The following SDK2 variants were observed in gnomAD, a reference collection of about 807,000 sequenced individuals.
SDK2 encodes the protein protein sidekick-2.
SDK2 carries 105 observed loss-of-function variants against 253.9 expected under a neutral mutation model. The ratio of observed to expected loss-of-function variants is 0.41; its 90% confidence interval spans 0.35 to 0.49. SDK2 has a LOEUF of 0.49. SDK2 is among the 20% of genes least tolerant of loss of function. The pLI is 0.06. For missense variants in SDK2, 2,608 were observed against 3,003.0 expected, an observed-to-expected ratio of 0.87 and a Z score of 3.07; for synonymous variants, 1,249 against 1,234.9, an observed-to-expected ratio of 1.01 and a Z score of -0.24.
intron 2 of SDK2, among the ~76,000 whole-genome samples, chr17:73,483,507 G>A (rs148888332): frequency 7.1e-4 from 36 of 50,690 alleles, no homozygotes; most frequent in Admixed American, 1.5e-3. Flanking sequence ...GTGTGTGTGT[G>A]TGTATGTGTG....
At chr17:73,453,188 G>A (rs1354676507) in intron 4 of SDK2, among the ~76,000 whole-genome samples, 1 of 152,152 alleles carries the variant, frequency 6.6e-6, no homozygotes, top group Non-Finnish European at 1.5e-5. Context: ...AGCTGGAAAA[G>A]TGTATGTTCC....
At position 73,405,517 on chromosome 17, in the gene SDK2, T is replaced by TATATATATATATATATAAATAA. The variant is rs750250733; in HGVS notation, c.2485-3377_2485-3376insTTATTTATATATATATATATAT. On this transcript the variant is annotated intron_variant, in intron 18 of 44. Coordinates refer to ENST00000392650, the MANE Select transcript of SDK2 (RefSeq NM_001144952.2). ...ATATATATATATATATATATATATA[T>TATATATATATATATATAAATAA]AAAGATCGAGAATGTGGAAAGTACA... Among the ~76,000 whole-genome samples, 2 of 66,180 alleles carry TATATATATATATATATAAATAA rather than the reference T, an allele frequency of 3.0e-5. 1 individual carries two copies. Among genetic ancestry groups the TATATATATATATATATAAATAA allele is most frequent in the Non-Finnish European group, 5.4e-5 (2 of 37,294 alleles). The allele number at this position is 66,180 out of a possible 152,430, so 43.4% of individuals were successfully genotyped here.
At chr17:73,413,030 C>T (rs1223892398) in intron 18 of SDK2, among the ~76,000 whole-genome samples, 2 of 152,164 alleles carry the variant, frequency 1.3e-5, no homozygotes, top group East Asian at 3.8e-4. Flanking sequence ...TCCCCAATCC[C>T]CCACGGACCA....
chr17:73,365,435 TG>T, intron 37 of SDK2, 40 bp from the exon 38 acceptor site: 1 of 1,554,336 alleles, frequency 6.4e-7, no homozygotes, highest in Non-Finnish European at 8.7e-7. Flanking sequence ...CCTTCTTCTG[TG>T]GAAGTTCAAA....
chr17:73,438,000 G>T lies in SDK2; in HGVS notation c.880C>A (p.Pro294Thr), dbSNP rs1045698830. The T allele has an allele frequency of 7.1e-6, 11 of 1,551,042 alleles. No individual in the cohort carries two copies. The African/African-American group carries it at 1.1e-4, about 15-fold the overall frequency. The change falls in exon 7 of 45, where the codon CCC becomes ACC. Residue 294 changes from proline (P) to threonine (T), a missense_variant. This residue lies in a region of SDK2 where 1,505 missense variants were observed against 1,859.1 expected (regional missense o/e 0.81). Coordinates refer to ENST00000392650, the MANE Select transcript of SDK2 (RefSeq NM_001144952.2). Reference protein sequence around the residue: ...CEAVLRSSSVPSVVRGAYLSV... With the variant: ...CEAVLRSSSVTSVVRGAYLSV... ...AGGTAGGCGCCCCGGACAACAGAGG[G>T]GACGCTGCTGCTGCGCAGGACAGCC... is the stretch of plus-strand genomic sequence containing the variant.
chr17:73,624,001 G>A (rs2046168327), intron 1 of SDK2, among the ~76,000 whole-genome samples: 2 of 152,224 alleles, frequency 1.3e-5, no homozygotes, highest in Admixed American at 6.5e-5. Context: ...TCCAGGAGGA[G>A]GACTGGGCAG....
chr17:73,412,072 A>T (rs745320520), intron 18 of SDK2, among the ~76,000 whole-genome samples: 23 of 42,650 alleles, frequency 5.4e-4, no homozygotes, highest in African/African-American at 1.2e-3. Context: ...ATATATACGT[A>T]TATATGTATA....
rs1394892045 is a variant in SDK2, at chr17:73,435,504, A to G, written c.1141T>C (p.Phe381Leu). Residue 381 changes from phenylalanine (F) to leucine (L), a missense_variant, in exon 9 of 45, where the codon TTC (phenylalanine) becomes CTC (leucine). By Grantham distance (22) the Phe-to-Leu change is conservative (BLOSUM62 0). Transcript: ENST00000392650. This position sits in a 1 kb window ranked among gnomAD's most constrained non-coding sequence, Gnocchi z 5.7. Reference protein sequence around the residue: ...VPDDTGMFQCFARNAAGEVQT... With the variant: ...VPDDTGMFQCLARNAAGEVQT... ...ACCTCGCCGGCTGCATTGCGGGCGA[A>G]GCACTGGAACATGCCGGTATCATCG... 1 of 1,601,618 alleles carries G rather than the reference A, an allele frequency of 6.2e-7. No individual in the cohort carries two copies. Among genetic ancestry groups the G allele is most frequent in the Non-Finnish European group, 8.5e-7 (1 of 1,174,398 alleles).
At chr17:73,517,468 G>A (rs2064038296) in intron 1 of SDK2, 1 of 152,200 alleles carries the variant, frequency 6.6e-6, no homozygotes, top group South Asian at 2.1e-4. Context: ...GACAGAGGCA[G>A]GGACTGAAGC....
intron 1 of SDK2, among the ~76,000 whole-genome samples, chr17:73,635,071 C>T (rs769428546): frequency 1.3e-5 from 2 of 151,830 alleles, no homozygotes; most frequent in East Asian, 1.9e-4. Flanking sequence ...CAGCAACCTT[C>T]GCCTCCCAGG....
At chr17:73,484,476 C>G (rs2063757988) in intron 2 of SDK2, among the ~76,000 whole-genome samples, 1 of 152,238 alleles carries the variant, frequency 6.6e-6, no homozygotes, top group South Asian at 2.1e-4. Flanking sequence ...GAAGCCTCTT[C>G]CCTCACAGTG....
Position 73,542,886 on chromosome 17 carries a change from C to T in SDK2, c.65-35289G>A, listed in dbSNP as rs147414706. Among the ~76,000 whole-genome samples, 14 of 152,334 alleles carry T rather than the reference C, an allele frequency of 9.2e-5. No homozygotes were observed. In the East Asian group the frequency reaches 2.7e-3, roughly 29 times the overall value. The stretch of plus-strand genomic sequence containing the variant: ...ATTCCCGGAAATGACTGCAGTCCCA[C>T]AAGCACCCAGAAGTGAGGACATTCA... On this transcript the variant is annotated intron_variant, in intron 1 of 44. Transcript: ENST00000392650.
At chr17:73,386,311 C>T in intron 31 of SDK2, 134 bp downstream of exon 31, 2 of 684,604 alleles carry the variant, frequency 2.9e-6, no homozygotes, top group South Asian at 3.4e-5. Context: ...GAGACCCTAC[C>T]CCGGGAGCTG....
intron 44 of SDK2, among the ~76,000 whole-genome samples, chr17:73,346,291 G>A (rs2062484056): frequency 1.3e-5 from 2 of 152,010 alleles, no homozygotes; most frequent in African/African-American, 2.4e-5. Flanking sequence ...TGATTTCAAC[G>A]CACTTGAAGA....
chr17:73,579,978 CAAAAAGA>C (rs2045511592), intron 1 of SDK2, among the ~76,000 whole-genome samples: 1 of 116,706 alleles, frequency 8.6e-6, no homozygotes, highest in Non-Finnish European at 1.7e-5. Flanking sequence ...AACCCCGTCT[CAAAAAGA>C]AAAAAGAAAA....
chr17:73,353,738 C>T lies in SDK2; in HGVS notation c.5594-1101G>A, dbSNP rs534387542. On this transcript the variant is annotated intron_variant, in intron 40 of 44. Transcript: ENST00000392650. ...TTTTTTTTTGAGATGGAGTCTCACTCTGTCATCCAGGCTGGAGTGCAGTGG... is the reference window on the plus strand; with the variant it reads ...TTTTTTTTTGAGATGGAGTCTCACTTTGTCATCCAGGCTGGAGTGCAGTGG... 1.7e-4 allele frequency among the ~76,000 whole-genome samples: 21 copies of T among 126,858 alleles called. No individual in the cohort carries two copies. The South Asian group carries it at 5.7e-3, about 35-fold the overall frequency. The allele number at this position is 126,858 out of a possible 152,430, so 83.2% of individuals were successfully genotyped here.
intron 3 of SDK2, among the ~76,000 whole-genome samples, chr17:73,457,896 C>T (rs982950004): frequency 5.9e-5 from 9 of 152,216 alleles, no homozygotes; most frequent in Non-Finnish European, 1.0e-4. Flanking sequence ...TCCAACCTGG[C>T]TGCACTTTAG....
intron 1 of SDK2, among the ~76,000 whole-genome samples, chr17:73,604,894 G>A (rs2045887631): frequency 6.6e-6 from 1 of 152,190 alleles, no homozygotes; most frequent in Admixed American, 6.5e-5. Flanking sequence ...ACGTGGGAGG[G>A]GGTTGGGGAA....
At chr17:73,548,092 C>A (rs995157026) in intron 1 of SDK2, among the ~76,000 whole-genome samples, 1 of 152,202 alleles carries the variant, frequency 6.6e-6, no homozygotes, top group Non-Finnish European at 1.5e-5. Flanking sequence ...GGCCCCCCAC[C>A]TTTAACACGT....
Sources: gnomAD v4.1 joint callset for allele counts (sites outside exome capture counted in the v4.1 genomes callset) on GRCh38, gnomAD v4.1.1 for gene constraint, gnomAD v4.1.1 regional missense constraint, Gnocchi (gnomAD v3.1) non-coding constraint, MANE v1.5 for transcripts, NCBI Gene and HGNC (gene_info 2026-07-23, HGNC 2026-07-21) for gene names.